Variants in RUBCNL observed in about 807,000 individuals in gnomAD.
The protein encoded by RUBCNL is protein associated with UVRAG as autophagy enhancer.
RUBCNL carries 62 observed loss-of-function variants against 69.5 expected under a neutral mutation model. The ratio of observed to expected loss-of-function variants is 0.89; its 90% CI spans 0.73 to 1.10. The LOEUF (loss-of-function observed/expected upper bound fraction) is 1.10, where lower values mean the gene tolerates loss of function less well. Ranked by LOEUF, RUBCNL falls within the 50% of genes least tolerant of loss-of-function variation. The probability of loss-of-function intolerance (pLI) is 0.00; values close to 1 mark genes in which losing one functional copy is unlikely to be tolerated. For synonymous variants in RUBCNL, 291 were observed against 303.6 expected (o/e 0.96, Z 0.43); for missense variants, 768 against 798.1 (o/e 0.96, Z 0.45).
At chr13:46,385,291 T>C (rs924492129) in intron 1 of RUBCNL, 116 of 982,452 alleles carry the variant, frequency 1.2e-4, no homozygotes, top group Non-Finnish European at 1.4e-4. Flanking sequence ...TGAGTCATCT[T>C]TCAGCTCCTT....
chr13:46,386,551 G>T (rs1278322132), intron 1 of RUBCNL, among the ~76,000 whole-genome samples: 1 of 151,888 alleles, frequency 6.6e-6, no homozygotes, highest in Non-Finnish European at 1.5e-5. Context: ...CACAAGGGGC[G>T]GGTTGGGGGA....
chr13:46,381,414 T>C (rs545653031), intron 1 of RUBCNL, among the ~76,000 whole-genome samples: 22 of 152,180 alleles, frequency 1.4e-4, no homozygotes, highest in East Asian at 1.3e-3. Flanking sequence ...GGCAAATCCA[T>C]TGAAATAGAA....
Position 46,335,043 on chromosome 13 carries a change from G to A in RUBCNL, c.*8342C>T, listed in dbSNP as rs2048094972. ...AAGTGGTGCAGGTCAAGCCCAACAG[G>A]AAACCTACTTGGGTAAAGAATTTGG... is the stretch of plus-strand genomic sequence containing the variant. On this transcript the variant is annotated 3_prime_UTR_variant, in exon 15 of 15. Transcript: ENST00000429979. Among the ~76,000 whole-genome samples, 2 of 151,940 alleles carry A rather than the reference G, an allele frequency of 1.3e-5. No homozygotes were observed. Among genetic ancestry groups the A allele is most frequent in the Non-Finnish European group, 2.9e-5 (2 of 67,986 alleles).
Position 46,368,169 on chromosome 13 carries a change from C to T in RUBCNL, c.699G>A (p.Gln233=). ...TGACTTCTTTACTCCAGCTCTCTGT[C>T]TGCTGTTGACTCAGAATGTTACACT... The part of the protein sequence containing the change: ...KMKCNILSQQ[Q]TESWSKEVSG... Residue 233 remains glutamine, a synonymous_variant, in exon 5 of 15, where the codon CAG becomes CAA. Coordinates refer to ENST00000429979, the MANE Select transcript of RUBCNL (RefSeq NM_025113.5). 8 of 1,613,992 alleles carry T rather than the reference C, an allele frequency of 5.0e-6. No individual in the cohort carries two copies. Among genetic ancestry groups the T allele is most frequent in the Non-Finnish European group, 6.8e-6 (8 of 1,179,884 alleles).
intron 1 of RUBCNL, among the ~76,000 whole-genome samples, chr13:46,383,794 A>G (rs1291976095): frequency 6.6e-6 from 1 of 152,230 alleles, no homozygotes; most frequent in African/African-American, 2.4e-5. Flanking sequence ...GTAATTTCAC[A>G]GTATAATAGA....
intron 1 of RUBCNL, among the ~76,000 whole-genome samples, chr13:46,379,714 C>T (rs1377445366): frequency 2.6e-5 from 4 of 152,110 alleles, no homozygotes; most frequent in African/African-American, 7.2e-5. Context: ...TTTTATGGTA[C>T]GTTACTAAGC....
intron 10 of RUBCNL, among the ~76,000 whole-genome samples, chr13:46,355,127 T>C (rs1191685788): frequency 6.6e-6 from 1 of 152,174 alleles, no homozygotes. Flanking sequence ...GAGCTCCTCA[T>C]AGTCTTTTTC....
intron 1 of RUBCNL, among the ~76,000 whole-genome samples, chr13:46,381,068 C>T (rs964014719): frequency 6.6e-5 from 10 of 152,116 alleles, no homozygotes; most frequent in African/African-American, 1.9e-4. Flanking sequence ...TCCTCAAATA[C>T]TAAATATACA....
At chr13:46,375,144 G>A (rs1043396341) in intron 2 of RUBCNL, among the ~76,000 whole-genome samples, 3 of 152,128 alleles carry the variant, frequency 2.0e-5, no homozygotes, top group Non-Finnish European at 2.9e-5. Context: ...GTTCCCTGCC[G>A]GGTAGCATGC....
chr13:46,368,510 T>C (rs2048809710), intron 4 of RUBCNL: 2 of 985,096 alleles, frequency 2.0e-6, no homozygotes, highest in Admixed American at 6.1e-5. Flanking sequence ...GGAAGCCTAA[T>C]GCCAGACATC....
At chr13:46,371,039 G>A (rs2048864961) in intron 3 of RUBCNL, among the ~76,000 whole-genome samples, 1 of 151,978 alleles carries the variant, frequency 6.6e-6, no homozygotes, top group South Asian at 2.1e-4. Flanking sequence ...GAATAAATGT[G>A]TTAAAGACTG....
rs192763922 is a variant in RUBCNL, at chr13:46,338,102, G to A, written c.*5283C>T. ...AGTACGCTGAAGAATGGGCAAGATCGGGAGGGAGATGAAAAGGGGAAGCGC... is the reference window on the plus strand; with the variant it reads ...AGTACGCTGAAGAATGGGCAAGATCAGGAGGGAGATGAAAAGGGGAAGCGC... On this transcript the variant is annotated 3_prime_UTR_variant, in exon 15 of 15. Transcript: ENST00000429979. 2.7e-3 allele frequency among the ~76,000 whole-genome samples: 408 copies of A among 152,286 alleles called. 3 individuals are homozygous for A. Among genetic ancestry groups the A allele is most frequent in the Non-Finnish European group, 2.0e-3 (139 of 68,024 alleles).
At position 46,347,788 on chromosome 13, in the gene RUBCNL, G is replaced by A. The variant is rs545805416; in HGVS notation, c.1631+1498C>T. ...GGGCAGATCACGAGGTCAGGAGATCGAGACCATCCTGGCTAACATGATGAA... is the reference window on the plus strand; with the variant it reads ...GGGCAGATCACGAGGTCAGGAGATCAAGACCATCCTGGCTAACATGATGAA... On this transcript the variant is annotated intron_variant, in intron 12 of 14. Coordinates refer to ENST00000429979, the MANE Select transcript of RUBCNL (RefSeq NM_025113.5). Among the ~76,000 whole-genome samples, 567 of 152,212 alleles carry A rather than the reference G, an allele frequency of 3.7e-3. 1 individual carries two copies. Among genetic ancestry groups the A allele is most frequent in the Non-Finnish European group, 6.9e-3 (472 of 68,002 alleles).
intron 10 of RUBCNL, among the ~76,000 whole-genome samples, chr13:46,352,552 C>G (rs558455933): frequency 1.5e-3 from 230 of 150,890 alleles, no homozygotes; most frequent in African/African-American, 5.4e-3. Context: ...CACCTGTAAT[C>G]GCAGCACTTT....
At chr13:46,355,823 G>C (rs2138719665) in intron 10 of RUBCNL, among the ~76,000 whole-genome samples, 1 of 152,244 alleles carries the variant, frequency 6.6e-6, no homozygotes, top group South Asian at 2.1e-4. Flanking sequence ...ATAATCTAGT[G>C]TTGAAGACAG....
intron 5 of RUBCNL, 60 bp downstream of exon 5, chr13:46,367,982 T>C: frequency 1.3e-6 from 2 of 1,496,354 alleles, no homozygotes; most frequent in Non-Finnish European, 1.9e-6. Flanking sequence ...AAGGGGTAAT[T>C]ATAGAGGAGA....
At chr13:46,387,600 T>G, upstream of RUBCNL, 2 of 985,420 alleles carry the variant, frequency 2.0e-6, no homozygotes, top group Non-Finnish European at 2.4e-6. Context: ...GCAGCAGTAT[T>G]TAGCAGTCAT....
At position 46,342,401 on chromosome 13, in the gene RUBCNL, T is replaced by C. The variant is rs1594124844; in HGVS notation, c.*984A>G. ...TGAAGGGACCCAGCCTCAAGGCCCCTTTCTCAAGTGGGAGAAAGTATATAG... is the reference window on the plus strand; with the variant it reads ...TGAAGGGACCCAGCCTCAAGGCCCCCTTCTCAAGTGGGAGAAAGTATATAG... On this transcript the variant is annotated 3_prime_UTR_variant, in exon 15 of 15. Transcript: ENST00000429979. 6.6e-6 allele frequency: 1 copy of C among 152,194 alleles called. No individual in the cohort carries two copies. The highest frequency in any genetic ancestry group is 1.5e-5 in the Non-Finnish European group (1 of 68,028). The allele number at this position is 152,194 out of a possible 1,614,324, so 9.4% of individuals were successfully genotyped here.
At chr13:46,368,430 T>A (rs1297419731) in intron 4 of RUBCNL, 181 bp from the exon 5 acceptor site, 1 of 984,018 alleles carries the variant, frequency 1.0e-6, no homozygotes, top group East Asian at 1.1e-4. Flanking sequence ...TCCAGAGACA[T>A]AGATTCGGCT....
Sources: gnomAD v4.1 joint callset for allele counts (sites outside exome capture counted in the v4.1 genomes callset) on GRCh38, gnomAD v4.1.1 for gene constraint, MANE v1.5 for transcripts, NCBI Gene and HGNC (gene_info 2026-07-23, HGNC 2026-07-21) for gene names.